The following GPR89B variants were observed in gnomAD, a reference collection of about 807,000 sequenced individuals.
GPR89B encodes the protein golgi pH regulator B.
GPR89B carries 25 observed loss-of-function variants against 52.4 expected under a neutral mutation model. The observed-to-expected ratio is 0.48, with a 90% CI of 0.35 to 0.67. The LOEUF is 0.67. Ranked by LOEUF, GPR89B falls within the 30% of genes least tolerant of loss-of-function variation. The probability of loss-of-function intolerance (pLI) is 0.01; values close to 1 mark genes in which losing one functional copy is unlikely to be tolerated. For missense variants in GPR89B, 146 were observed against 450.2 expected, an observed-to-expected ratio of 0.32 and a Z score of 6.11; for synonymous variants, 52 against 151.2, an observed-to-expected ratio of 0.34 and a Z score of 4.81.
chr1:147,951,071 C>T (rs1427306339), intron 5 of GPR89B, among the ~76,000 whole-genome samples: 3 of 151,740 alleles, frequency 2.0e-5, no homozygotes, highest in African/African-American at 7.3e-5. Flanking sequence ...AATTTTGCAA[C>T]CAGGGGAAAA....
intron 10 of GPR89B, among the ~76,000 whole-genome samples, chr1:147,984,439 A>T (rs1483385527): frequency 7.1e-6 from 1 of 140,104 alleles, no homozygotes; most frequent in Non-Finnish European, 1.5e-5. Flanking sequence ...TTTTGTCTTT[A>T]TCAGTCTAGT....
chr1:147,961,415 G>T (rs1281774708), intron 7 of GPR89B, among the ~76,000 whole-genome samples: 1 of 151,996 alleles, frequency 6.6e-6, no homozygotes, highest in Non-Finnish European at 1.5e-5. Context: ...AGAAAATCTT[G>T]AAAGCAACAA....
chr1:148,010,392 C>T, the GPR89B span: 1 of 152,324 alleles, frequency 6.6e-6, no homozygotes, highest in South Asian at 2.1e-4. Flanking sequence ...AACATGCCTC[C>T]TGGAGTGGCC....
chr1:147,993,220 T>C lies in GPR89B; in HGVS notation c.*303T>C. 1 of 995,742 alleles carries C rather than the reference T, an allele frequency of 1.0e-6. No individual in the cohort carries two copies. The highest frequency in any genetic ancestry group is 1.4e-6 in the Non-Finnish European group (1 of 718,940). 61.7% of individuals were successfully genotyped at this position (995,742 alleles called of 1,614,324 possible). ...CTAAAGGTGAAAAATACACTGGAAC[T>C]CTGGGGCAAGAGATGTCTATGGTAG... is the stretch of plus-strand genomic sequence containing the variant. On this transcript the variant is annotated 3_prime_UTR_variant, in exon 14 of 14. Coordinates refer to ENST00000314163, the MANE Select transcript of GPR89B (RefSeq NM_016334.5).
chr1:147,962,300 T>G (rs1223159628), intron 7 of GPR89B, among the ~76,000 whole-genome samples: 2 of 151,434 alleles, frequency 1.3e-5, no homozygotes, highest in South Asian at 2.1e-4. Context: ...GGCATGCGCC[T>G]GTAGTCCCAG....
At chr1:148,021,355 A>C in the GPR89B span, among the ~76,000 whole-genome samples, 1 of 151,674 alleles carries the variant, frequency 6.6e-6, no homozygotes, top group Non-Finnish European at 1.5e-5. Context: ...ACAAAAAATT[A>C]CCCGGGGGTG....
At chr1:147,940,226 A>G (rs868926940) in intron 3 of GPR89B, among the ~76,000 whole-genome samples, 7 of 151,728 alleles carry the variant, frequency 4.6e-5, no homozygotes, top group Admixed American at 1.3e-4. Flanking sequence ...ACATGGTGAA[A>G]CCCCGTCTCT....
intron 10 of GPR89B, among the ~76,000 whole-genome samples, chr1:147,975,292 C>G (rs1657756064): frequency 1.4e-5 from 2 of 139,852 alleles, no homozygotes; most frequent in African/African-American, 5.3e-5. Context: ...GTAAATCCAT[C>G]TGGTCCTGGG....
the GPR89B span, chr1:148,011,548 C>CTG: frequency 6.6e-6 from 1 of 152,246 alleles, no homozygotes; most frequent in African/African-American, 2.4e-5. Context: ...GCTGCAGGGG[C>CTG]CAGGGAGACT....
chr1:147,967,305 C>CTGTA (rs1455435677), intron 8 of GPR89B: 2 of 141,070 alleles, frequency 1.4e-5, no homozygotes, highest in Non-Finnish European at 3.1e-5. Context: ...TGGCATGTGC[C>CTGTA]TGTAATCCCA....
At chr1:147,934,523 A>T (rs1238598069) in intron 1 of GPR89B, among the ~76,000 whole-genome samples, 2 of 152,088 alleles carry the variant, frequency 1.3e-5, no homozygotes, top group African/African-American at 4.8e-5. Context: ...GGGTGGTGGA[A>T]ACCTTTGACT....
chr1:147,938,879 A>G lies in GPR89B; in HGVS notation c.206+62A>G, dbSNP rs587708205. 17 of 1,553,976 alleles carry G rather than the reference A, an allele frequency of 1.1e-5. No individual in the cohort carries two copies. The East Asian group carries it at 3.9e-4, about 35-fold the overall frequency. ...CTGTGCTACATTCTTTACAGTGGAA[A>G]AGCTATTGGATCTCATAACTGAAAA... On this transcript the variant is annotated intron_variant, in intron 3 of 13. Coordinates refer to ENST00000314163, the MANE Select transcript of GPR89B (RefSeq NM_016334.5).
intron 7 of GPR89B, among the ~76,000 whole-genome samples, chr1:147,962,811 T>C (rs1656698309): frequency 6.6e-6 from 1 of 151,116 alleles, no homozygotes; most frequent in South Asian, 2.1e-4. Flanking sequence ...GGCAGGAGAA[T>C]TGCTGAACCC....
intron 1 of GPR89B, among the ~76,000 whole-genome samples, chr1:147,933,061 G>A (rs1484999169): frequency 1.3e-5 from 2 of 152,086 alleles, no homozygotes; most frequent in African/African-American, 2.4e-5. Flanking sequence ...TATAGTAAAT[G>A]CTCAATAAAA....
intron 10 of GPR89B, among the ~76,000 whole-genome samples, chr1:147,971,226 T>C (rs1402297433): frequency 1.3e-5 from 2 of 151,580 alleles, no homozygotes; most frequent in African/African-American, 4.9e-5. Context: ...CTCAGCTCAC[T>C]GCAACCTCTG....
At chr1:147,949,130 A>T (rs1655277047) in intron 5 of GPR89B, among the ~76,000 whole-genome samples, 1 of 152,128 alleles carries the variant, frequency 6.6e-6, no homozygotes, top group African/African-American at 2.4e-5. Context: ...CTTAGTACAG[A>T]ACAAAATGAA....
intron 10 of GPR89B, among the ~76,000 whole-genome samples, chr1:147,982,352 G>A (rs1323321858): frequency 4.6e-5 from 7 of 151,454 alleles, no homozygotes; most frequent in African/African-American, 1.7e-4. Flanking sequence ...GAGCCACTGC[G>A]ACCGGCCTAT....
rs587634825 is a variant in GPR89B at position 147,946,183 on chromosome 1, A to G, written c.415+2085A>G. Among the ~76,000 whole-genome samples the G allele has an allele frequency of 5.6e-3, 858 of 152,062 alleles. 5 individuals are homozygous for G. The highest frequency in any genetic ancestry group is 0.02 in the African/African-American group (828 of 41,476). On this transcript the variant is annotated intron_variant, in intron 5 of 13. Transcript: ENST00000314163. ...GGAGATATTAATTGCTACCATCTCA[A>G]GGTATCTATATCATCTATAAAACTT... is the stretch of plus-strand genomic sequence containing the variant.
At chr1:147,950,352 C>T (rs1355295788) in intron 5 of GPR89B, among the ~76,000 whole-genome samples, 10 of 151,122 alleles carry the variant, frequency 6.6e-5, no homozygotes, top group African/African-American at 2.2e-4. Context: ...CGGGCAGAGA[C>T]GCTCCTCACT....
Sources: gnomAD v4.1 joint callset for allele counts (sites outside exome capture counted in the v4.1 genomes callset) on GRCh38, gnomAD v4.1.1 for gene constraint, MANE v1.5 for transcripts, NCBI Gene and HGNC (gene_info 2026-07-23, HGNC 2026-07-21) for gene names.